FASN: variants seen among roughly 807,000 people sequenced by gnomAD.
The protein encoded by FASN is fatty acid synthase.
FASN carries 50 observed loss-of-function variants against 250.0 expected under a neutral mutation model. That is an observed-to-expected ratio of 0.20 (90% CI 0.16 to 0.25). FASN has a LOEUF of 0.25. Ranked by LOEUF, FASN falls within the 10% of genes least tolerant of loss-of-function variation. The pLI is 1.00. For synonymous variants in FASN, 1,909 were observed against 1,584.0 expected, an observed-to-expected ratio of 1.21 and a Z score of -4.87; for missense variants, 3,031 against 3,498.5, an observed-to-expected ratio of 0.87 and a Z score of 3.37.
intron 41 of FASN, chr17:82,079,826 T>C (rs2033956168): frequency 1.5e-6 from 1 of 677,240 alleles, no homozygotes; most frequent in Non-Finnish European, 2.5e-6. Context: ...CAAGCGATTC[T>C]CCTCCCGAGT....
In FASN at chr17:82,089,273, G is replaced by A; in HGVS notation, c.2077C>T (p.Pro693Ser). Residue 693 changes from proline to serine, a missense_variant, in exon 13 of 43, where the codon CCA becomes TCA. Transcript: ENST00000306749. The part of the protein sequence containing the change: ...HSYFMEAIAP[P>S]LLQELKKVIR... ...ACCTTCTTGAGCTCCTGCAGCAGTG[G>A]GGGTGCGATGGCCTCCATGAAGTAG... is the stretch of plus-strand genomic sequence containing the variant. 1 of 1,612,720 alleles carries A rather than the reference G, an allele frequency of 6.2e-7. No individual in the cohort carries two copies. Among genetic ancestry groups the A allele is most frequent in the Non-Finnish European group, 8.5e-7 (1 of 1,179,920 alleles).
intron 5 of FASN, 75 bp from the exon 6 acceptor site, chr17:82,093,094 T>A: frequency 2.5e-6 from 4 of 1,592,276 alleles, no homozygotes; most frequent in Non-Finnish European, 2.6e-6. Context: ...AGCTCTGGGG[T>A]GTGGGGTGGG....
rs763736860 is a variant in FASN at position 82,089,010 on chromosome 17, G to A, written c.2263C>T (p.His755Tyr). The A allele has an allele frequency of 2.8e-5, 45 of 1,609,086 alleles. 1 individual carries two copies. The highest frequency in any genetic ancestry group is 1.3e-4 in the South Asian group (12 of 90,464). ...FQEALWHVPEHAVVLEIAPHA... is the reference protein window; with the variant it reads ...FQEALWHVPEYAVVLEIAPHA... Reference sequence around the variant, plus strand: ...GGCGCGATCTCCAGCACCACCGCGTGCTCAGGCACGTGCCACAGGGCCTCC... The same window carrying A: ...GGCGCGATCTCCAGCACCACCGCGTACTCAGGCACGTGCCACAGGGCCTCC... Residue 755 changes from histidine to tyrosine, a missense_variant, in exon 14 of 43, where the codon CAC becomes TAC. Physicochemically the swap from His to Tyr is moderately conservative, Grantham distance 83. Coordinates refer to ENST00000306749, the MANE Select transcript of FASN (RefSeq NM_004104.5).
intron 8 of FASN, 37 bp from the exon 9 acceptor site, chr17:82,091,721 T>C (rs2034213412): frequency 6.6e-7 from 1 of 1,520,800 alleles, no homozygotes; most frequent in Admixed American, 2.0e-5. Context: ...GCCGCCCCAC[T>C]CCCTCTACCA....
rs777756867 is a variant in FASN, at chr17:82,083,280, C to T, written c.5487G>A (p.Thr1829=). The T allele has an allele frequency of 2.7e-5, 44 of 1,612,644 alleles. No homozygotes were observed. The highest frequency in any genetic ancestry group is 1.4e-4 in the South Asian group (13 of 91,092). ...RDGVVRPLKC[T]VFHGAQVEDA... ...CCTCCACCTGGGCCCCATGGAACACCGTGCACTTGAGGGGCCGTACCACCC... is the reference window on the plus strand; with the variant it reads ...CCTCCACCTGGGCCCCATGGAACACTGTGCACTTGAGGGGCCGTACCACCC... The change falls in exon 32 of 43, where the codon ACG becomes ACA. Residue 1829 remains threonine (T), a synonymous_variant. Transcript: ENST00000306749.
chr17:82,080,728 G>A lies in FASN; in HGVS notation c.6790C>T (p.Leu2264Phe). The change falls in exon 39 of 43, where the codon CTC (leucine) becomes TTC (phenylalanine). Residue 2264 changes from leucine (L) to phenylalanine (F), a missense_variant. By Grantham distance (22) the Leu-to-Phe change is conservative. Coordinates refer to ENST00000306749, the MANE Select transcript of FASN (RefSeq NM_004104.5). ...TGCAGGCCATAGGTGGGGATGCTGA[G>A]CCGGGAGGCCAGGCTGTGGAACACG... ...TTVFHSLASR[L>F]SIPTYGLQCT... The A allele has an allele frequency of 6.2e-7, 1 of 1,601,598 alleles. No homozygotes were observed. The highest frequency in any genetic ancestry group is 8.5e-7 in the Non-Finnish European group (1 of 1,175,344).
In FASN at chr17:82,081,579, GGCTCCT is replaced by G. The variant is rs2033987704; in HGVS notation, c.6406+16_6406+21del. On this transcript the variant is annotated intron_variant, in intron 37 of 42. Coordinates refer to ENST00000306749, the MANE Select transcript of FASN (RefSeq NM_004104.5). The stretch of plus-strand genomic sequence containing the variant: ...TGCCAGCAGGGGAAACACCTGGCGC[GGCTCCT>G]ACTGGGAGTGCTCACCCAGGATGTG... 9 of 1,611,100 alleles carry G rather than the reference GGCTCCT, an allele frequency of 5.6e-6. No homozygotes were observed. The South Asian group carries it at 8.8e-5, about 16-fold the overall frequency.
rs745375568 is a variant in FASN at position 82,083,500 on chromosome 17, G to A, written c.5341+17C>T. On this transcript the variant is annotated intron_variant, in intron 31 of 42. Transcript: ENST00000306749. ...ACCCATCCATGCCCACCCCCGCCCA[G>A]GCGCTGCCGGCCTCACCGAGCGGGT... The A allele has an allele frequency of 4.3e-6, 7 of 1,612,654 alleles. No individual in the cohort carries two copies. Among genetic ancestry groups the A allele is most frequent in the Admixed American group, 3.3e-5 (2 of 60,006 alleles).
chr17:82,094,912 G>A (rs1411293123), intron 3 of FASN, among the ~76,000 whole-genome samples: 1 of 150,472 alleles, frequency 6.6e-6, no homozygotes, highest in South Asian at 2.1e-4. Context: ...GTGGGGGGAC[G>A]TGGGCAAGGG....
intron 10 of FASN, 55 bp downstream of exon 10, chr17:82,090,827 G>A (rs2034191141): frequency 3.3e-6 from 5 of 1,537,694 alleles, no homozygotes; most frequent in Non-Finnish European, 4.4e-6. Context: ...GGGCTCCAGG[G>A]AAAGCCAGAG....
In FASN at chr17:82,079,209, C is replaced by T. The variant is rs959227332; in HGVS notation, c.7470G>A (p.Leu2490=). ...TGTGGATGATGCTGATGATGGACTC[C>T]AGGCCGCTGCCCTCCAGCAGCGTGC... ...DHRTLLEGSG[L]ESIISIIHSS... is the part of the protein sequence containing the mutation. Residue 2490 remains leucine, a synonymous_variant, in exon 43 of 43, where the codon CTG becomes CTA. Transcript: ENST00000306749. The T allele has an allele frequency of 1.2e-5, 20 of 1,612,852 alleles. No homozygotes were observed. Among genetic ancestry groups the T allele is most frequent in the Non-Finnish European group, 1.7e-5 (20 of 1,179,968 alleles).
In FASN at chr17:82,083,046, T is replaced by G. The variant is rs931107653; in HGVS notation, c.5635A>C (p.Thr1879Pro). 1 of 1,612,402 alleles carries G rather than the reference T, an allele frequency of 6.2e-7. No individual in the cohort carries two copies. The highest frequency in any genetic ancestry group is 1.3e-5 in the African/African-American group (1 of 74,780). The change falls in exon 33 of 43, where the codon ACC becomes CCC. Residue 1879 changes from threonine to proline, a missense_variant. Physicochemically the swap from Thr to Pro is conservative, Grantham distance 38 (BLOSUM62 -1). Coordinates refer to ENST00000306749, the MANE Select transcript of FASN (RefSeq NM_004104.5). ...KPKLMSAISK[T>P]FCPAHKSYII... ...TAGCTCTTGTGGGCCGGGCAGAAGG[T>G]CTTGGAGATGGCCGACATCAGCTTG...
chr17:82,095,005 C>T (rs572598491), intron 3 of FASN, among the ~76,000 whole-genome samples: 16 of 151,954 alleles, frequency 1.1e-4, no homozygotes, highest in Admixed American at 3.9e-4. Flanking sequence ...CTGGAGGGCC[C>T]CTCAAGAACC....
chr17:82,093,129 C>G, intron 5 of FASN, 90 bp downstream of exon 5: 2 of 1,547,736 alleles, frequency 1.3e-6, no homozygotes, highest in Non-Finnish European at 1.7e-6. Context: ...ATCCCCGGAG[C>G]TGGCAGGATC....
At position 82,088,227 on chromosome 17, in the gene FASN, G is replaced by A. The variant is rs1475945420; in HGVS notation, c.2674C>T (p.Leu892=). The change falls in exon 17 of 43, where the codon CTG becomes TTG. Residue 892 remains leucine, a synonymous_variant. Transcript: ENST00000306749. ...GRVLFPATGY[L]SIVWKTLARA... ...GCCAGCGTCTTCCACACTATGCTCA[G>A]GTAGCCAGTGGCGGGGAAGAGGACG... 3 of 1,611,012 alleles carry A rather than the reference G, an allele frequency of 1.9e-6. No homozygotes were observed. The highest frequency in any genetic ancestry group is 2.2e-5 in the East Asian group (1 of 44,882).
rs59638227 is a variant in FASN, at chr17:82,098,190, A to G, written c.-77T>C. 0.26 allele frequency: 92,622 copies of G among 363,036 alleles called. 13,533 individuals carry two copies. The highest frequency in any genetic ancestry group is 0.32 in the Non-Finnish European group (64,107 of 203,260). The allele number at this position is 363,036 out of a possible 1,614,324, so 22.5% of individuals were successfully genotyped here. ...TGGAGCGCGGCGGAGCGGGAGGCTGAAGCGCGGCGGAGAGGGAGGCCGGGG... is the reference window on the plus strand; with the variant it reads ...TGGAGCGCGGCGGAGCGGGAGGCTGGAGCGCGGCGGAGAGGGAGGCCGGGG... On this transcript the variant is annotated 5_prime_UTR_variant, in exon 1 of 43. Coordinates refer to ENST00000306749, the MANE Select transcript of FASN (RefSeq NM_004104.5).
In FASN at chr17:82,090,390, C is replaced by A. The variant is rs760364227; in HGVS notation, c.1855G>T (p.Ala619Ser). ...CIKEAHLPPG[A>S]MAAVGLSWEE... ...GGAGACCTACCCACGGCTGCCATGG[C>A]GCCCGGCGGGAGATGGGCTTCTTTG... The change falls in exon 11 of 43, where the codon GCC becomes TCC. Residue 619 changes from alanine to serine, a missense_variant. By Grantham distance (99) the Ala-to-Ser change is moderately conservative. Transcript: ENST00000306749. The A allele has an allele frequency of 1.3e-6, 2 of 1,590,732 alleles. No homozygotes were observed. The highest frequency in any genetic ancestry group is 1.8e-5 in the Admixed American group (1 of 56,138).
chr17:82,094,572 C>G (rs183557111), intron 3 of FASN, among the ~76,000 whole-genome samples: 2 of 151,810 alleles, frequency 1.3e-5, no homozygotes, highest in East Asian at 3.9e-4. Context: ...GGATGGATCA[C>G]GAGGTCAAGA....
chr17:82,089,855 A>G (rs1598580861), intron 11 of FASN, 129 bp from the exon 12 acceptor site: 1 of 838,092 alleles, frequency 1.2e-6, no homozygotes, highest in African/African-American at 1.7e-5. Context: ...TGGAGCCTTC[A>G]TGAGAAAGGT....
Sources: gnomAD v4.1 joint callset for allele counts (sites outside exome capture counted in the v4.1 genomes callset) on GRCh38, gnomAD v4.1.1 for gene constraint, MANE v1.5 for transcripts, NCBI Gene and HGNC (gene_info 2026-07-23, HGNC 2026-07-21) for gene names.